Variants in CDK14 observed in about 807,000 individuals in gnomAD.
The protein encoded by CDK14 is cyclin dependent kinase 14, also known as cyclin-dependent kinase 14.
A neutral mutation model predicts 60.7 loss-of-function variants in CDK14; 34 were observed. That is an observed-to-expected ratio of 0.56 (90% CI 0.43 to 0.75). CDK14 has a LOEUF of 0.75. CDK14 is among the 30% of genes least tolerant of loss of function. The pLI is 0.00. For missense variants in CDK14, 482 were observed against 564.1 expected, an observed-to-expected ratio of 0.85 and a Z score of 1.47; for synonymous variants, 197 against 203.7, an observed-to-expected ratio of 0.97 and a Z score of 0.28.
intron 4 of CDK14, among the ~76,000 whole-genome samples, chr7:90,775,038 G>T (rs1368497615): frequency 6.6e-6 from 1 of 152,140 alleles, no homozygotes; most frequent in African/African-American, 2.4e-5. Flanking sequence ...CTTTGGAGAT[G>T]CTTTTTTCAT....
intron 5 of CDK14, among the ~76,000 whole-genome samples, chr7:90,810,859 A>G (rs1026472536): frequency 1.5e-4 from 23 of 152,162 alleles, no homozygotes; most frequent in Admixed American, 5.9e-4. Flanking sequence ...GTGAACTCCC[A>G]TTCACAATTG....
chr7:90,857,115 GA>G (rs5885747), intron 5 of CDK14, among the ~76,000 whole-genome samples: 21 of 147,002 alleles, frequency 1.4e-4, no homozygotes, highest in African/African-American at 2.7e-4. Flanking sequence ...AATGGTTTTG[GA>G]AAAAAAAAAC....
At chr7:91,107,189 T>C (rs1397246022) in intron 12 of CDK14, among the ~76,000 whole-genome samples, 1 of 152,234 alleles carries the variant, frequency 6.6e-6, no homozygotes, top group African/African-American at 2.4e-5. Flanking sequence ...AAGTGTAGTA[T>C]AAAGTGTGGT....
At chr7:90,905,348 C>A (rs1401888456) in intron 7 of CDK14, among the ~76,000 whole-genome samples, 1 of 151,914 alleles carries the variant, frequency 6.6e-6, no homozygotes, top group East Asian at 1.9e-4. Context: ...ACAAAGAAAA[C>A]CAAACAAAGG....
intron 2 of CDK14, among the ~76,000 whole-genome samples, chr7:90,688,597 C>CA (rs1258328620): frequency 6.6e-6 from 1 of 151,996 alleles, no homozygotes; most frequent in Non-Finnish European, 1.5e-5. Flanking sequence ...GAGGTATTAA[C>CA]AAAAAACTGC....
chr7:91,095,603 G>T (rs1798959857), intron 12 of CDK14, among the ~76,000 whole-genome samples: 1 of 152,060 alleles, frequency 6.6e-6, no homozygotes, highest in Admixed American at 6.6e-5. Flanking sequence ...TAAAGGAATG[G>T]GGAAAGGTTT....
At chr7:90,599,295 A>G (rs1447214342) in intron 1 of CDK14, among the ~76,000 whole-genome samples, 1 of 152,236 alleles carries the variant, frequency 6.6e-6, no homozygotes, top group African/African-American at 2.4e-5. Flanking sequence ...TAGGAATTCC[A>G]TCATACTGAC....
chr7:90,839,035 C>T (rs913945500), intron 5 of CDK14, among the ~76,000 whole-genome samples: 1 of 152,100 alleles, frequency 6.6e-6, no homozygotes, highest in Non-Finnish European at 1.5e-5. Flanking sequence ...GTGATGGCAC[C>T]CCCGGAGGCC....
At chr7:90,989,656 A>G (rs751387698) in intron 10 of CDK14, among the ~76,000 whole-genome samples, 10 of 152,286 alleles carry the variant, frequency 6.6e-5, no homozygotes, top group Admixed American at 1.3e-4. Flanking sequence ...TGGATTCTAT[A>G]TTAGTTAAAA....
intron 13 of CDK14, among the ~76,000 whole-genome samples, chr7:91,113,490 G>T (rs1462524716): frequency 6.6e-6 from 1 of 152,136 alleles, no homozygotes; most frequent in Non-Finnish European, 1.5e-5. Context: ...GAATTCTTGT[G>T]AAATTTTGTA....
intron 6 of CDK14, among the ~76,000 whole-genome samples, chr7:90,874,739 A>G: frequency 6.7e-6 from 1 of 149,930 alleles, no homozygotes; most frequent in Admixed American, 6.7e-5. Context: ...CTTGTTAGCC[A>G]GGATGGTCTC....
intron 6 of CDK14, among the ~76,000 whole-genome samples, chr7:90,885,158 A>G (rs940200913): frequency 1.3e-5 from 2 of 152,208 alleles, no homozygotes; most frequent in African/African-American, 4.8e-5. Flanking sequence ...CAACCTACAG[A>G]ATAGGAGAAA....
chr7:91,070,154 C>G (rs1798095878), intron 11 of CDK14, among the ~76,000 whole-genome samples: 1 of 152,118 alleles, frequency 6.6e-6, no homozygotes, highest in Non-Finnish European at 1.5e-5. Context: ...ATAAGAAGAA[C>G]CTAAAGTGTT....
intron 14 of CDK14, among the ~76,000 whole-genome samples, chr7:91,180,935 C>G (rs1467485220): frequency 2.6e-5 from 4 of 152,132 alleles, no homozygotes; most frequent in African/African-American, 4.8e-5. Flanking sequence ...CTTTTTTCCT[C>G]TGATCTACAT....
intron 12 of CDK14, among the ~76,000 whole-genome samples, chr7:91,108,222 G>A (rs868646766): frequency 3.9e-5 from 6 of 152,176 alleles, no homozygotes; most frequent in Non-Finnish European, 8.8e-5. Flanking sequence ...CGTGAGAATC[G>A]CTTGAACCTG....
chr7:91,123,543 G>T (rs1472414831), intron 14 of CDK14, among the ~76,000 whole-genome samples: 2 of 152,058 alleles, frequency 1.3e-5, no homozygotes, highest in Admixed American at 6.6e-5. Context: ...AATGCATGAT[G>T]CATATTATGA....
At chr7:90,699,299 C>A (rs1801732689) in intron 2 of CDK14, among the ~76,000 whole-genome samples, 1 of 152,200 alleles carries the variant, frequency 6.6e-6, no homozygotes, top group Non-Finnish European at 1.5e-5. Context: ...GGATGGGAGT[C>A]TGTGGTTCCT....
chr7:90,860,155 T>A (rs1283073394), intron 5 of CDK14, among the ~76,000 whole-genome samples: 1 of 152,138 alleles, frequency 6.6e-6, no homozygotes, highest in Non-Finnish European at 1.5e-5. Flanking sequence ...AGTGTATAAA[T>A]GCTCATATAT....
intron 14 of CDK14, among the ~76,000 whole-genome samples, chr7:91,154,334 G>C (rs1460282377): frequency 6.6e-6 from 1 of 151,470 alleles, no homozygotes; most frequent in Non-Finnish European, 1.5e-5. Context: ...GCCAACCATT[G>C]AACATTAAAG....
Sources: gnomAD v4.1 joint callset for allele counts (sites outside exome capture counted in the v4.1 genomes callset) on GRCh38, gnomAD v4.1.1 for gene constraint, MANE v1.5 for transcripts, NCBI Gene and HGNC (gene_info 2026-07-23, HGNC 2026-07-21) for gene names.